The following DCAF1 variants were observed in gnomAD, a reference collection of about 807,000 sequenced individuals.
DCAF1 encodes DDB1- and CUL4-associated factor 1.
In DCAF1, 15 loss-of-function variants were observed where a neutral mutation model predicts 128.0. The observed-to-expected ratio is 0.12, with a 90% CI of 0.08 to 0.18. The LOEUF is 0.18. Among genes scored for constraint, DCAF1 ranks in the 10% least tolerant of loss-of-function variants. The pLI, the probability that DCAF1 is intolerant of heterozygous loss-of-function variation, is 1.00. For synonymous variants in DCAF1, 610 were observed against 603.0 expected (o/e 1.01, Z -0.17); for missense variants, 988 against 1,649.5 (o/e 0.60, Z 6.95).
intron 1 of DCAF1, among the ~76,000 whole-genome samples, chr3:51,497,966 C>T (rs1311161966): frequency 3.7e-5 from 5 of 133,714 alleles, no homozygotes; most frequent in African/African-American, 1.4e-4. Context: ...ACGAGAATGG[C>T]GTGAACCTGG....
At chr3:51,416,639 T>G in intron 18 of DCAF1, 148 bp downstream of exon 18, 1 of 1,178,436 alleles carries the variant, frequency 8.5e-7, no homozygotes, top group South Asian at 1.4e-5. Flanking sequence ...CTCAGAACTA[T>G]ATTATCATAC....
chr3:51,456,318 C>T (rs1204906953), intron 6 of DCAF1, among the ~76,000 whole-genome samples: 2 of 152,228 alleles, frequency 1.3e-5, no homozygotes, highest in African/African-American at 4.8e-5. Flanking sequence ...GCTAGCACAG[C>T]AGTCCCAGAT....
intron 24 of DCAF1, among the ~76,000 whole-genome samples, chr3:51,402,549 C>T (rs2089786814): frequency 1.4e-5 from 2 of 145,856 alleles, no homozygotes; most frequent in African/African-American, 2.5e-5. Context: ...CAACAAAGGC[C>T]ATATACCCTA....
intron 24 of DCAF1, among the ~76,000 whole-genome samples, chr3:51,399,698 G>A (rs903111356): frequency 3.3e-5 from 5 of 152,154 alleles, no homozygotes; most frequent in Non-Finnish European, 7.3e-5. Flanking sequence ...AGCTTGTAGG[G>A]ACTCTAATAT....
chr3:51,431,006 C>A (rs142093660), intron 10 of DCAF1, among the ~76,000 whole-genome samples: 1 of 152,022 alleles, frequency 6.6e-6, no homozygotes, highest in Non-Finnish European at 1.5e-5. Flanking sequence ...ATGGCAAAAC[C>A]CTGCCTCTAC....
Position 51,440,571 on chromosome 3 carries a change from C to T in DCAF1, c.1128+399G>A, listed in dbSNP as rs142491566. On this transcript the variant is annotated intron_variant, in intron 9 of 24. Transcript: ENST00000684031. ...TGAGCTATGATCACCCCATTGCACT[C>T]CAGCCTGGGTGACAGAGTGAGACCT... 4.5e-3 allele frequency among the ~76,000 whole-genome samples: 684 copies of T among 152,302 alleles called. 23 individuals are homozygous for T. The highest frequency in any genetic ancestry group is 0.034 in the Admixed American group (520 of 15,294).
intron 16 of DCAF1, 112 bp from the exon 17 acceptor site, chr3:51,418,310 G>C: frequency 6.7e-7 from 1 of 1,490,178 alleles, no homozygotes; most frequent in Non-Finnish European, 8.9e-7. Context: ...GAATTAAAGA[G>C]ACAATTTTAT....
intron 5 of DCAF1, among the ~76,000 whole-genome samples, chr3:51,464,017 T>C (rs1703882091): frequency 6.6e-6 from 1 of 151,894 alleles, no homozygotes; most frequent in Non-Finnish European, 1.5e-5. Context: ...ACCATGTCCA[T>C]CTAATTTTTT....
chr3:51,471,168 G>C (rs1347783142), intron 3 of DCAF1, among the ~76,000 whole-genome samples, 163 bp from the exon 4 acceptor site: 1 of 151,006 alleles, frequency 6.6e-6, no homozygotes, highest in Non-Finnish European at 1.5e-5. Flanking sequence ...TCATAAAAGA[G>C]TTTCCTCTCC....
intron 7 of DCAF1, among the ~76,000 whole-genome samples, chr3:51,442,327 T>C (rs1252597295): frequency 6.6e-6 from 1 of 152,206 alleles, no homozygotes; most frequent in Admixed American, 6.5e-5. Flanking sequence ...CATAACTACA[T>C]TATCATTTTT....
chr3:51,463,062 C>T lies in DCAF1; in HGVS notation c.375+52G>A, dbSNP rs374608687. The T allele has an allele frequency of 3.2e-5, 39 of 1,230,526 alleles. No individual in the cohort carries two copies. The East Asian group carries it at 9.8e-4, about 31-fold the overall frequency. 76.2% of individuals were successfully genotyped at this position (1,230,526 alleles called of 1,614,324 possible). A position where few individuals can be genotyped will look rare whatever the true frequency, so the allele number is the denominator to read the frequency against. ...TTTAACCACAAAGACAAATCAAATA[C>T]ATCATAATTCAATTACAAAATAAAA... On this transcript the variant is annotated intron_variant, in intron 6 of 24. Transcript: ENST00000684031.
At chr3:51,457,725 C>T (rs1703078098) in intron 6 of DCAF1, among the ~76,000 whole-genome samples, 1 of 152,204 alleles carries the variant, frequency 6.6e-6, no homozygotes, top group South Asian at 2.1e-4. Flanking sequence ...TCTGCAGAAA[C>T]TCTACAAGCC....
At chr3:51,488,624 G>A (rs181271091) in intron 2 of DCAF1, among the ~76,000 whole-genome samples, 11 of 152,288 alleles carry the variant, frequency 7.2e-5, no homozygotes, top group Non-Finnish European at 8.8e-5. Flanking sequence ...CCAACATGGC[G>A]AAACCCCGTC....
intron 24 of DCAF1, among the ~76,000 whole-genome samples, chr3:51,399,677 A>G (rs1312565657): frequency 6.7e-6 from 1 of 149,928 alleles, no homozygotes; most frequent in Non-Finnish European, 1.5e-5. Flanking sequence ...TCAGAAAGAA[A>G]CAGGGTACCT....
At chr3:51,431,297 C>T (rs965800128) in intron 10 of DCAF1, among the ~76,000 whole-genome samples, 4 of 151,206 alleles carry the variant, frequency 2.6e-5, no homozygotes, top group Admixed American at 6.6e-5. Context: ...GCGGGTGGAT[C>T]ACTTGAGGTC....
Position 51,420,162 on chromosome 3 carries a change from G to T in DCAF1, c.2808C>A (p.Pro936=), listed in dbSNP as rs782220023. 6.2e-7 allele frequency: 1 copy of T among 1,613,984 alleles called. No homozygotes were observed. The highest frequency in any genetic ancestry group is 8.5e-7 in the Non-Finnish European group (1 of 1,179,896). The part of the protein sequence containing the change: ...APTAHPQPRP[P]QGPLALPGPS... ...GGCCGGGCAGAGCTAGCGGACCCTG[G>T]GGGGGCCGTGGCTGAGGATGAGCAG... The change falls in exon 15 of 25, where the codon CCC becomes CCA. Residue 936 remains proline (P), a synonymous_variant. Coordinates refer to ENST00000684031, the MANE Select transcript of DCAF1 (RefSeq NM_001387579.1). This position sits in a 1 kb window ranked among gnomAD's most constrained non-coding sequence, Gnocchi z 6.5.
intron 1 of DCAF1, among the ~76,000 whole-genome samples, chr3:51,498,566 A>G (rs921964828): frequency 1.3e-5 from 2 of 152,032 alleles, no homozygotes; most frequent in Admixed American, 6.6e-5. Flanking sequence ...CACTGTCTCT[A>G]TAAAAAATAA....
intron 2 of DCAF1, among the ~76,000 whole-genome samples, chr3:51,495,543 T>A (rs569735230): frequency 1.3e-5 from 2 of 151,872 alleles, no homozygotes; most frequent in South Asian, 2.1e-4. Context: ...AAGGAAAATA[T>A]AAACTTGTAA....
chr3:51,478,469 A>G (rs1196566704), intron 3 of DCAF1, among the ~76,000 whole-genome samples: 1 of 152,192 alleles, frequency 6.6e-6, no homozygotes, highest in African/African-American at 2.4e-5. Flanking sequence ...TTTTAGTATA[A>G]GTGCTCAAAG....
Sources: gnomAD v4.1 joint callset for allele counts (sites outside exome capture counted in the v4.1 genomes callset) on GRCh38, gnomAD v4.1.1 for gene constraint, Gnocchi (gnomAD v3.1) non-coding constraint, MANE v1.5 for transcripts, NCBI Gene and HGNC (gene_info 2026-07-23, HGNC 2026-07-21) for gene names.